Variants in FCRL3 observed in about 807,000 individuals in gnomAD.
The protein encoded by FCRL3 is Fc receptor like 3.
In FCRL3, 89 loss-of-function variants were observed where a neutral mutation model predicts 75.0. The observed-to-expected ratio is 1.19, with a 90% confidence interval of 1.00 to 1.42. The LOEUF (loss-of-function observed/expected upper bound fraction) is 1.42, where lower values mean the gene tolerates loss of function less well. FCRL3 is among the 40% of genes most tolerant of loss of function. The probability of loss-of-function intolerance (pLI) is 0.00; values close to 1 mark genes in which losing one functional copy is unlikely to be tolerated. For synonymous variants in FCRL3, 376 were observed against 348.5 expected, an observed-to-expected ratio of 1.08 and a Z score of -0.88; for missense variants, 946 against 880.0, an observed-to-expected ratio of 1.07 and a Z score of -0.95.
rs1048593172 is a variant in FCRL3 at position 157,677,085 on chromosome 1, C to T, written c.*1625G>A. On this transcript the variant is annotated 3_prime_UTR_variant, in exon 15 of 15. Coordinates refer to ENST00000368184, the MANE Select transcript of FCRL3 (RefSeq NM_052939.4). ...TCTCAGTACGGGCAGGACATCATGCCCTGCACTCAAAGGCCAGGATAAGGG... is the reference window on the plus strand; with the variant it reads ...TCTCAGTACGGGCAGGACATCATGCTCTGCACTCAAAGGCCAGGATAAGGG... 8.9e-7 allele frequency: 1 copy of T among 1,122,280 alleles called. No homozygotes were observed. Among genetic ancestry groups the T allele is most frequent in the Non-Finnish European group, 1.1e-6 (1 of 907,760 alleles). The allele number at this position is 1,122,280 out of a possible 1,614,324, so 69.5% of individuals were successfully genotyped here.
chr1:157,688,983 A>G (rs1440192799), intron 10 of FCRL3, among the ~76,000 whole-genome samples: 1 of 152,186 alleles, frequency 6.6e-6, no homozygotes, highest in Admixed American at 6.5e-5. Context: ...AAAATCTCTC[A>G]GCAAATTAGG....
rs566194276 is a variant in FCRL3 at position 157,687,908 on chromosome 1, C to G, written c.1810+1890G>C. 1.7e-4 allele frequency among the ~76,000 whole-genome samples: 26 copies of G among 152,058 alleles called. 1 individual carries two copies. The East Asian group carries it at 4.1e-3, about 24-fold the overall frequency. ...ATGCAATATAACCATGTAACCAATCCACACATTTACCCCTTACATCTAAAA... is the reference window on the plus strand; with the variant it reads ...ATGCAATATAACCATGTAACCAATCGACACATTTACCCCTTACATCTAAAA... On this transcript the variant is annotated intron_variant, in intron 10 of 14. Coordinates refer to ENST00000368184, the MANE Select transcript of FCRL3 (RefSeq NM_052939.4).
At chr1:157,686,263 T>A (rs1655170870) in intron 10 of FCRL3, among the ~76,000 whole-genome samples, 1 of 149,546 alleles carries the variant, frequency 6.7e-6, no homozygotes. Flanking sequence ...TGCGAGAAAT[T>A]AAAAAAAAAA....
intron 7 of FCRL3, 170 bp downstream of exon 7, chr1:157,695,870 G>A (rs1655856535): frequency 1.4e-6 from 1 of 709,266 alleles, no homozygotes; most frequent in African/African-American, 1.8e-5. Context: ...TCCATTTCTT[G>A]GATAGCTTTT....
At chr1:157,684,392 G>T (rs1278543084) in intron 10 of FCRL3, among the ~76,000 whole-genome samples, 1 of 152,082 alleles carries the variant, frequency 6.6e-6, no homozygotes, top group Admixed American at 6.5e-5. Context: ...TGTTCCTCAG[G>T]GAGTGGGACT....
At chr1:157,684,512 C>T (rs151182949) in intron 10 of FCRL3, among the ~76,000 whole-genome samples, 71 of 152,148 alleles carry the variant, frequency 4.7e-4, no homozygotes, top group African/African-American at 1.2e-3. Context: ...TGGTTAGCTC[C>T]GACCTAGAAT....
At chr1:157,679,208 G>C (rs1654662868) in intron 13 of FCRL3, 1 of 581,486 alleles carries the variant, frequency 1.7e-6, no homozygotes, top group Non-Finnish European at 3.1e-6. Flanking sequence ...AATAGAAAAA[G>C]TACTGCCCCA....
intron 11 of FCRL3, among the ~76,000 whole-genome samples, chr1:157,681,630 T>A (rs945804894): frequency 6.6e-6 from 1 of 152,142 alleles, no homozygotes; most frequent in African/African-American, 2.4e-5. Context: ...ATTTTCTTAA[T>A]CCAGTCTATT....
At chr1:157,700,792 A>G (rs1260613432), upstream of FCRL3, 11 of 1,178,814 alleles carry the variant, frequency 9.3e-6, no homozygotes, top group Non-Finnish European at 1.2e-5. Flanking sequence ...TAGAAATATC[A>G]AGTTGTGTAT....
chr1:157,687,647 A>G (rs1655257922), intron 10 of FCRL3, among the ~76,000 whole-genome samples: 1 of 151,134 alleles, frequency 6.6e-6, no homozygotes, highest in South Asian at 2.1e-4. Context: ...CATAGATTTA[A>G]CTGGAGGCCA....
chr1:157,683,915 A>G (rs1263403208), intron 10 of FCRL3, among the ~76,000 whole-genome samples: 1 of 152,164 alleles, frequency 6.6e-6, no homozygotes, highest in Non-Finnish European at 1.5e-5. Flanking sequence ...TAAAATTACT[A>G]TATTGTTTCG....
In FCRL3 at chr1:157,685,170, T is replaced by C. The variant is rs567233380; in HGVS notation, c.1811-1926A>G. ...CAACACTGAGATTCAAATGTCTTCT[T>C]TTAGTATGTTATAGATTAGAAAATG... On this transcript the variant is annotated intron_variant, in intron 10 of 14. Transcript: ENST00000368184. 4.6e-5 allele frequency among the ~76,000 whole-genome samples: 7 copies of C among 151,926 alleles called. No individual in the cohort carries two copies. The South Asian group carries it at 1.5e-3, about 32-fold the overall frequency.
chr1:157,678,637 A>T lies in FCRL3; in HGVS notation c.*73T>A. 2 of 1,592,028 alleles carry T rather than the reference A, an allele frequency of 1.3e-6. No homozygotes were observed. Among genetic ancestry groups the T allele is most frequent in the South Asian group, 2.3e-5 (2 of 88,398 alleles). On this transcript the variant is annotated 3_prime_UTR_variant, in exon 15 of 15. Transcript: ENST00000368184. ...TAGGAGGCAGAGTCTGGAGAGATGG[A>T]TGATGTGTGGTTGGAGAGAACAGAA...
intron 10 of FCRL3, among the ~76,000 whole-genome samples, chr1:157,684,781 T>C (rs1264548419): frequency 1.3e-5 from 2 of 152,144 alleles, no homozygotes; most frequent in African/African-American, 2.4e-5. Context: ...TACTGGAATT[T>C]CAACACAGCC....
intron 13 of FCRL3, among the ~76,000 whole-genome samples, chr1:157,679,965 C>A (rs958724935): frequency 3.4e-5 from 5 of 147,214 alleles, no homozygotes; most frequent in African/African-American, 1.0e-4. Context: ...GACAGAAATA[C>A]ATATTGAACT....
chr1:157,692,686 G>A (rs1655628777), intron 8 of FCRL3, among the ~76,000 whole-genome samples: 1 of 152,192 alleles, frequency 6.6e-6, no homozygotes. Context: ...CATGAAGAAA[G>A]ATTAGTATTT....
chr1:157,684,745 C>G (rs1414625721), intron 10 of FCRL3, among the ~76,000 whole-genome samples: 1 of 152,060 alleles, frequency 6.6e-6, no homozygotes, highest in Non-Finnish European at 1.5e-5. Flanking sequence ...AACTTATTTG[C>G]CCAATATCAA....
At chr1:157,693,446 C>T (rs563855898) in intron 8 of FCRL3, among the ~76,000 whole-genome samples, 1 of 152,102 alleles carries the variant, frequency 6.6e-6, no homozygotes, top group Admixed American at 6.5e-5. Flanking sequence ...ATTGAAAGAG[C>T]AGCAGTGATG....
chr1:157,698,688 C>T (rs1446539523), intron 3 of FCRL3, 59 bp from the exon 4 acceptor site: 8 of 1,571,144 alleles, frequency 5.1e-6, no homozygotes, highest in South Asian at 1.1e-5. Flanking sequence ...GGGCACAGCA[C>T]ATGGGGAGCC....
Sources: gnomAD v4.1 joint callset for allele counts (sites outside exome capture counted in the v4.1 genomes callset) on GRCh38, gnomAD v4.1.1 for gene constraint, MANE v1.5 for transcripts, NCBI Gene and HGNC (gene_info 2026-07-23, HGNC 2026-07-21) for gene names.